The following VPS4B variants were observed in gnomAD, a reference collection of about 807,000 sequenced individuals.
VPS4B encodes vacuolar protein sorting-associated protein 4B.
In VPS4B, 23 loss-of-function variants were observed where a neutral mutation model predicts 56.1. The observed-to-expected ratio is 0.41, with a 90% confidence interval of 0.30 to 0.58. The LOEUF (loss-of-function observed/expected upper bound fraction) is 0.58. VPS4B is among the 20% of genes least tolerant of loss of function. VPS4B has a pLI of 0.29. For synonymous variants in VPS4B, 177 were observed against 186.0 expected, an observed-to-expected ratio of 0.95 and a Z score of 0.39; for missense variants, 372 against 531.9, an observed-to-expected ratio of 0.70 and a Z score of 2.96.
At chr18:63,391,212 A>G in intron 10 of VPS4B, 136 bp from the exon 11 acceptor site, 1 of 619,618 alleles carries the variant, frequency 1.6e-6, no homozygotes, top group Non-Finnish European at 2.8e-6. Context: ...ATAAGATACT[A>G]ACGATAAACT....
At chr18:63,421,694 G>C (rs185127300) in intron 1 of VPS4B, among the ~76,000 whole-genome samples, 46 of 152,220 alleles carry the variant, frequency 3.0e-4, no homozygotes, top group Admixed American at 7.9e-4. Flanking sequence ...AATACTCCTC[G>C]ATCTTACACA....
chr18:63,407,351 G>A (rs936815788), intron 4 of VPS4B, 81 bp downstream of exon 4: 1 of 1,217,382 alleles, frequency 8.2e-7, no homozygotes, highest in Non-Finnish European at 1.2e-6. Context: ...TATAGAGGGA[G>A]AACAAAAACA....
chr18:63,398,224 T>TATATATATATATATA (rs200704125), intron 8 of VPS4B, among the ~76,000 whole-genome samples: 4 of 46,792 alleles, frequency 8.5e-5, no homozygotes, highest in African/African-American at 1.9e-4. Flanking sequence ...TATATATATA[T>TATATATATATATATA]TTTTTTTTGA....
At chr18:63,407,128 G>T (rs1024645306) in intron 4 of VPS4B, among the ~76,000 whole-genome samples, 3 of 152,208 alleles carry the variant, frequency 2.0e-5, no homozygotes, top group Admixed American at 6.5e-5. Context: ...TGTGCTAATA[G>T]TATAAGTGTT....
At chr18:63,415,669 C>T (rs34981370) in intron 1 of VPS4B, 8,312 of 244,584 alleles carry the variant, frequency 0.034, 161 homozygotes, top group African/African-American at 0.043. Context: ...AGTTCCAGCA[C>T]GATGTGCAGC....
At chr18:63,416,255 C>G in intron 1 of VPS4B, 1 of 213,300 alleles carries the variant, frequency 4.7e-6, no homozygotes, top group South Asian at 9.3e-5. Context: ...TTCCCTTATA[C>G]AGGAGCCCTG....
chr18:63,395,976 A>G (rs1915659792), intron 9 of VPS4B, among the ~76,000 whole-genome samples: 1 of 152,248 alleles, frequency 6.6e-6, no homozygotes, highest in Non-Finnish European at 1.5e-5. Context: ...GGCTGGCTAC[A>G]TGTACCTCTC....
intron 5 of VPS4B, among the ~76,000 whole-genome samples, chr18:63,401,610 C>CG (rs1915811507): frequency 6.6e-6 from 1 of 152,174 alleles, no homozygotes. Context: ...ATCAACTCTT[C>CG]GAGCCTCAAT....
intron 1 of VPS4B, among the ~76,000 whole-genome samples, chr18:63,413,425 G>A (rs1275114475): frequency 6.6e-6 from 1 of 151,896 alleles, no homozygotes; most frequent in Non-Finnish European, 1.5e-5. Flanking sequence ...TATAGTCCCA[G>A]CTACTTGGGA....
chr18:63,418,188 C>T (rs553234197), intron 1 of VPS4B, among the ~76,000 whole-genome samples: 2 of 152,314 alleles, frequency 1.3e-5, no homozygotes, highest in South Asian at 2.1e-4. Flanking sequence ...TCTCCTCTCC[C>T]TACATCTCAC....
At chr18:63,416,202 A>T in intron 1 of VPS4B, 1 of 194,290 alleles carries the variant, frequency 5.1e-6, no homozygotes. Context: ...CCCTTGGGAT[A>T]CACCTTGACT....
rs912112346 is a variant in VPS4B at position 63,399,306 on chromosome 18, C to T, written c.808G>A (p.Asp270Asn). Residue 270 changes from aspartate (D) to asparagine (N), a missense_variant, in exon 8 of 11, where the codon GAT becomes AAT. Coordinates refer to ENST00000238497, the MANE Select transcript of VPS4B (RefSeq NM_004869.4). The part of the protein sequence containing the change: ...VQMQGVGVDN[D>N]GILVLGATNI... ...GTAGCTCCCAGAACCAAAATTCCAT[C>T]ATTGTCTACACCAACCCCTGCATTA... The T allele has an allele frequency of 6.2e-6, 10 of 1,613,912 alleles. No individual in the cohort carries two copies. The highest frequency in any genetic ancestry group is 8.5e-6 in the Non-Finnish European group (10 of 1,179,942).
intron 1 of VPS4B, among the ~76,000 whole-genome samples, chr18:63,416,818 T>A (rs1916177209): frequency 6.6e-6 from 1 of 152,200 alleles, no homozygotes; most frequent in South Asian, 2.1e-4. Flanking sequence ...CCCAGACAGA[T>A]GCATGATGTC....
intron 9 of VPS4B, 113 bp downstream of exon 9, chr18:63,396,921 C>T (rs766827709): frequency 3.1e-6 from 3 of 976,816 alleles, no homozygotes; most frequent in African/African-American, 1.7e-5. Flanking sequence ...ACCCGGGAGG[C>T]GGAGGTTGCA....
At chr18:63,405,680 A>G (rs1915901328) in intron 4 of VPS4B, among the ~76,000 whole-genome samples, 1 of 152,056 alleles carries the variant, frequency 6.6e-6, no homozygotes, top group African/African-American at 2.4e-5. Flanking sequence ...TGTATCGGCC[A>G]AGTGCGGTGG....
Position 63,422,275 on chromosome 18 carries a change from CG to C in VPS4B, c.-17del, listed in dbSNP as rs1243699978. 1 of 1,504,146 alleles carries C rather than the reference CG, an allele frequency of 6.6e-7. No homozygotes were observed. The highest frequency in any genetic ancestry group is 8.9e-7 in the Non-Finnish European group (1 of 1,124,678). The allele number at this position is 1,504,146 out of a possible 1,614,324, so 93.2% of individuals were successfully genotyped here. On this transcript the variant is annotated 5_prime_UTR_variant, in exon 1 of 11. Coordinates refer to ENST00000238497, the MANE Select transcript of VPS4B (RefSeq NM_004869.4). Reference sequence around the variant, plus strand: ...TGGATGACATGGCGGAGTTCCCAGGCGGTTCCCAAGGGAACGAGGGGCGAGG... The same window carrying C: ...TGGATGACATGGCGGAGTTCCCAGGCGTTCCCAAGGGAACGAGGGGCGAGG...
Position 63,410,424 on chromosome 18 carries a change from G to A in VPS4B, c.162C>T (p.Ala54=). 6.2e-7 allele frequency: 1 copy of A among 1,613,194 alleles called. No homozygotes were observed. The highest frequency in any genetic ancestry group is 8.5e-7 in the Non-Finnish European group (1 of 1,179,994). Residue 54 remains alanine, a synonymous_variant, in exon 3 of 11, where the codon GCC becomes GCT. Transcript: ENST00000238497. ...TACACTTTGCCCTGATACTTTGCTTGGCTTTATCACCCTGTGCTTCATCTA... is the reference window on the plus strand; with the variant it reads ...TACACTTTGCCCTGATACTTTGCTTAGCTTTATCACCCTGTGCTTCATCTA... ...VVKYEAQGDK[A]KQSIRAKCTE...
At chr18:63,403,112 A>G (rs2144421801) in intron 5 of VPS4B, among the ~76,000 whole-genome samples, 1 of 152,362 alleles carries the variant, frequency 6.6e-6, no homozygotes, top group South Asian at 2.1e-4. Flanking sequence ...AGTGATAATG[A>G]AATGTCCTTT....
intron 5 of VPS4B, among the ~76,000 whole-genome samples, chr18:63,402,700 T>C (rs776952474): frequency 6.6e-6 from 1 of 152,202 alleles, no homozygotes; most frequent in Non-Finnish European, 1.5e-5. Flanking sequence ...TACCATAAAA[T>C]GAGTTCAACC....
Sources: gnomAD v4.1 joint callset for allele counts (sites outside exome capture counted in the v4.1 genomes callset) on GRCh38, gnomAD v4.1.1 for gene constraint, MANE v1.5 for transcripts, NCBI Gene and HGNC (gene_info 2026-07-23, HGNC 2026-07-21) for gene names.